SRRM4: variants seen among roughly 807,000 people sequenced by gnomAD.
The protein encoded by SRRM4 is serine/arginine repetitive matrix 4.
In SRRM4, 33 loss-of-function variants were observed where a neutral mutation model predicts 68.9. That is an observed-to-expected ratio of 0.48 (90% CI 0.36 to 0.64). The LOEUF is 0.64. SRRM4 is among the 30% of genes least tolerant of loss of function. The probability of loss-of-function intolerance (pLI) is 0.00; values close to 1 mark genes in which losing one functional copy is unlikely to be tolerated. For synonymous variants in SRRM4, 318 were observed against 318.8 expected (o/e 1.00, Z 0.03); for missense variants, 817 against 827.1 (o/e 0.99, Z 0.15).
intron 1 of SRRM4, among the ~76,000 whole-genome samples, chr12:119,093,855 T>G (rs1954028526): frequency 6.6e-6 from 1 of 152,146 alleles, no homozygotes; most frequent in Non-Finnish European, 1.5e-5. Context: ...TCTCAGCAGT[T>G]TTATCTCTCA....
rs961378231 is a variant in SRRM4 at position 119,098,420 on chromosome 12, C to G, written c.132-3816C>G. On this transcript the variant is annotated intron_variant, in intron 1 of 12. Coordinates refer to ENST00000267260, the MANE Select transcript of SRRM4 (RefSeq NM_194286.4). ...CAACTATAACATCAGGAAATTAGCC[C>G]AAAGCATCTCAAAAGCACTTTCTAA... Among the ~76,000 whole-genome samples the G allele has an allele frequency of 5.9e-5, 9 of 152,126 alleles. 1 individual carries two copies. Among genetic ancestry groups the G allele is most frequent in the Non-Finnish European group, 1.2e-4 (8 of 68,030 alleles).
intron 1 of SRRM4, among the ~76,000 whole-genome samples, chr12:119,090,505 T>C (rs1246347876): frequency 6.6e-6 from 1 of 152,172 alleles, no homozygotes; most frequent in East Asian, 1.9e-4. Flanking sequence ...AGGTCTTTTG[T>C]ACTCCTATGT....
chr12:119,103,124 A>G (rs532949279), intron 2 of SRRM4, among the ~76,000 whole-genome samples: 5 of 152,282 alleles, frequency 3.3e-5, no homozygotes, highest in African/African-American at 1.2e-4. Context: ...TGTTTTCAGC[A>G]TATGCTTATA....
intron 1 of SRRM4, among the ~76,000 whole-genome samples, chr12:119,009,969 C>T (rs1278320036): frequency 6.6e-6 from 1 of 152,154 alleles, no homozygotes; most frequent in African/African-American, 2.4e-5. Flanking sequence ...TAACTGGATC[C>T]CATAATATTC....
At chr12:119,150,759 C>T (rs1954433588) in intron 9 of SRRM4, among the ~76,000 whole-genome samples, 1 of 152,214 alleles carries the variant, frequency 6.6e-6, no homozygotes, top group African/African-American at 2.4e-5. Context: ...TTCTAAAATA[C>T]TCCACTGTGG....
At chr12:119,011,618 CT>C (rs1953450256) in intron 1 of SRRM4, among the ~76,000 whole-genome samples, 1 of 152,168 alleles carries the variant, frequency 6.6e-6, no homozygotes, top group Non-Finnish European at 1.5e-5. Context: ...ATGTCTAAGA[CT>C]TTGGAAATTA....
rs548491804 is a variant in SRRM4 at position 119,159,921 on chromosome 12, C to T, written c.*3123C>T. The T allele has an allele frequency of 3.3e-5, 5 of 151,954 alleles. No individual in the cohort carries two copies. The highest frequency in any genetic ancestry group is 2.0e-4 in the Admixed American group (3 of 15,262). 9.4% of individuals were successfully genotyped at this position (151,954 alleles called of 1,614,324 possible). A position where few individuals can be genotyped will look rare whatever the true frequency, so the allele number is the denominator to read the frequency against. ...AGGTGGAAGGAGCAGCCAGATGTTCCACAGGACCCCACCAAGAAGGTCATT... is the reference window on the plus strand; with the variant it reads ...AGGTGGAAGGAGCAGCCAGATGTTCTACAGGACCCCACCAAGAAGGTCATT... On this transcript the variant is annotated 3_prime_UTR_variant, in exon 13 of 13. Coordinates refer to ENST00000267260, the MANE Select transcript of SRRM4 (RefSeq NM_194286.4).
chr12:119,136,360 G>A (rs61938055), intron 8 of SRRM4, among the ~76,000 whole-genome samples: 23,225 of 152,228 alleles, frequency 0.15, 2,192 homozygotes, highest in Non-Finnish European at 0.2. Flanking sequence ...TCAACTGGGA[G>A]ACACAATATC....
rs772836581 is a variant in SRRM4, at chr12:119,114,278, T to G, written c.279T>G (p.Ser93Arg). The G allele has an allele frequency of 6.8e-6, 11 of 1,611,710 alleles. No individual in the cohort carries two copies. Among genetic ancestry groups the G allele is most frequent in the African/African-American group, 1.3e-5 (1 of 74,862 alleles). ...ATGCTCCTCTCTTTGCTCCTCACAG[T>G]GCCTCTCATGACAAAGACTTGACAC... ...CRELGATRGH[S>R]ASHDKDLTPP... The change falls in exon 3 of 13, where the codon AGT (serine) becomes AGG (arginine). Residue 93 changes from serine (S) to arginine (R), a missense_variant and splice_region_variant. Physicochemically the swap from Ser to Arg is moderately radical, Grantham distance 110 (BLOSUM62 -1). Transcript: ENST00000267260.
chr12:119,140,816 CA>C (rs1223028289), intron 8 of SRRM4, among the ~76,000 whole-genome samples: 1 of 152,204 alleles, frequency 6.6e-6, no homozygotes, highest in African/African-American at 2.4e-5. Flanking sequence ...TGAGGGGTAT[CA>C]GGGGGAATGA....
chr12:119,047,104 C>T (rs1388734370), intron 1 of SRRM4, among the ~76,000 whole-genome samples: 1 of 150,264 alleles, frequency 6.7e-6, no homozygotes, highest in Non-Finnish European at 1.5e-5. Context: ...TACACCATTT[C>T]TTTGCTGGAT....
At chr12:119,136,994 CT>C (rs1954333134) in intron 8 of SRRM4, among the ~76,000 whole-genome samples, 1 of 152,216 alleles carries the variant, frequency 6.6e-6, no homozygotes, top group African/African-American at 2.4e-5. Flanking sequence ...CCCAGATGAA[CT>C]CCTACCAGGT....
intron 1 of SRRM4, chr12:119,036,970 G>A (rs187510246): frequency 6.6e-6 from 1 of 152,280 alleles, no homozygotes. Context: ...TCACGCTTCT[G>A]GGGAAAGAGG....
At chr12:119,146,492 A>C (rs1162815496) in intron 9 of SRRM4, among the ~76,000 whole-genome samples, 1 of 152,084 alleles carries the variant, frequency 6.6e-6, no homozygotes, top group Non-Finnish European at 1.5e-5. Flanking sequence ...AGGCTGAGGC[A>C]GGAAAATTGC....
intron 1 of SRRM4, among the ~76,000 whole-genome samples, chr12:118,984,479 G>A (rs570883822): frequency 2.6e-5 from 4 of 152,276 alleles, no homozygotes; most frequent in African/African-American, 9.6e-5. Context: ...CAGGGGGATG[G>A]CAGGGAGTGG....
chr12:119,051,890 C>A (rs11614635), intron 1 of SRRM4, among the ~76,000 whole-genome samples: 5,665 of 152,310 alleles, frequency 0.037, 193 homozygotes, highest in East Asian at 0.12. Flanking sequence ...AACAATCTTT[C>A]TGTCTTCTGG....
chr12:119,055,142 T>G (rs1053153748), intron 1 of SRRM4, among the ~76,000 whole-genome samples: 2 of 152,152 alleles, frequency 1.3e-5, no homozygotes, highest in Admixed American at 1.3e-4. Context: ...GCAGGGAAAT[T>G]TATGCCCTCT....
chr12:119,076,413 C>T (rs967397948), intron 1 of SRRM4, among the ~76,000 whole-genome samples: 1 of 152,106 alleles, frequency 6.6e-6, no homozygotes, highest in African/African-American at 2.4e-5. Flanking sequence ...GAGATGGAAG[C>T]GTGGTATCAG....
chr12:118,986,401 G>A (rs1953282250), intron 1 of SRRM4, among the ~76,000 whole-genome samples: 1 of 152,190 alleles, frequency 6.6e-6, no homozygotes, highest in Non-Finnish European at 1.5e-5. Context: ...GTTGCAGGGG[G>A]TCATTTCTGA....
Sources: allele counts gnomAD v4.1 joint callset (sites outside exome capture counted in the v4.1 genomes callset), GRCh38; gene constraint gnomAD v4.1.1; transcripts MANE v1.5; gene names NCBI Gene and HGNC (gene_info 2026-07-23, HGNC 2026-07-21).